CPS1: variants seen among roughly 807,000 people sequenced by gnomAD.
CPS1 encodes carbamoyl-phosphate synthase [ammonia], mitochondrial.
In CPS1, 109 loss-of-function variants were observed where a neutral mutation model predicts 174.6. That is an observed-to-expected ratio of 0.62 (90% CI 0.53 to 0.73). The LOEUF (loss-of-function observed/expected upper bound fraction) is 0.73, where lower values mean the gene tolerates loss of function less well. CPS1 is among the 30% of genes least tolerant of loss of function. The probability of loss-of-function intolerance (pLI) is 0.00; values close to 1 mark genes in which losing one functional copy is unlikely to be tolerated. For missense variants in CPS1, 1,689 were observed against 1,821.9 expected (o/e 0.93, Z 1.33); for synonymous variants, 637 against 632.0 (o/e 1.01, Z -0.12).
At chr2:210,580,801 C>T (rs1697898531) in intron 5 of CPS1, among the ~76,000 whole-genome samples, 1 of 149,174 alleles carries the variant, frequency 6.7e-6, no homozygotes, top group African/African-American at 2.5e-5. Flanking sequence ...GCGGAGGTTG[C>T]AGTGAGCTGA....
intron 25 of CPS1, among the ~76,000 whole-genome samples, chr2:210,643,291 A>G (rs1034781326): frequency 2.0e-5 from 3 of 152,190 alleles, no homozygotes; most frequent in Admixed American, 6.5e-5. Flanking sequence ...GCAGATTACT[A>G]TAAGACTGTA....
At chr2:210,559,642 A>G (rs1310570768) in intron 1 of CPS1, among the ~76,000 whole-genome samples, 3 of 152,128 alleles carry the variant, frequency 2.0e-5, no homozygotes, top group Non-Finnish European at 4.4e-5. Flanking sequence ...AATGTTCAGC[A>G]CTCATTATTA....
intron 5 of CPS1, 140 bp downstream of exon 5, chr2:210,579,910 CTG>C: frequency 1.4e-6 from 1 of 712,872 alleles, no homozygotes; most frequent in Non-Finnish European, 2.5e-6. Flanking sequence ...ATCTGGGTCT[CTG>C]TTATTTTGTT....
intron 21 of CPS1, among the ~76,000 whole-genome samples, chr2:210,624,384 T>G (rs1244109379): frequency 6.6e-6 from 1 of 152,116 alleles, no homozygotes; most frequent in Non-Finnish European, 1.5e-5. Context: ...CATATTACCA[T>G]TCTATGCTTT....
rs900450884 is a variant in CPS1, at chr2:210,678,847, G to A, written c.*862G>A. 6.6e-6 allele frequency: 1 copy of A among 152,174 alleles called. No individual in the cohort carries two copies. Among genetic ancestry groups the A allele is most frequent in the African/African-American group, 2.4e-5 (1 of 41,444 alleles). 9.4% of individuals were successfully genotyped at this position (152,174 alleles called of 1,614,324 possible). On this transcript the variant is annotated 3_prime_UTR_variant, in exon 38 of 38. Transcript: ENST00000233072. ...TAACTTGGCCCGAGTGAAATAATCAGATTTTTGTCATTCACACTCTCCCCC... is the reference window on the plus strand; with the variant it reads ...TAACTTGGCCCGAGTGAAATAATCAAATTTTTGTCATTCACACTCTCCCCC...
chr2:210,482,430 G>C (rs1010186673), intron 1 of CPS1, among the ~76,000 whole-genome samples: 23 of 151,948 alleles, frequency 1.5e-4, no homozygotes, highest in Admixed American at 1.1e-3. Context: ...AGCCCCCTGA[G>C]TAGCTGGGAT....
chr2:210,567,536 A>G (rs1043528976), intron 1 of CPS1, among the ~76,000 whole-genome samples: 13 of 152,138 alleles, frequency 8.5e-5, no homozygotes, highest in Non-Finnish European at 1.5e-4. Context: ...AGAAAAAGAG[A>G]ATGTTTGGGT....
Position 210,616,488 on chromosome 2 carries a change from G to A in CPS1, c.2634G>A (p.Leu878=). 6.2e-7 allele frequency: 1 copy of A among 1,612,354 alleles called. No homozygotes were observed. Among genetic ancestry groups the A allele is most frequent in the Non-Finnish European group, 8.5e-7 (1 of 1,178,788 alleles). Residue 878 remains leucine, a synonymous_variant, in exon 21 of 38, where the codon TTG becomes TTA. Transcript: ENST00000233072. Reference sequence around the variant, plus strand: ...TCACATACATTGACAAGTGGTTTTTGTATAAGATGCGTGATATTTTAAACA... The same window carrying A: ...TCACATACATTGACAAGTGGTTTTTATATAAGATGCGTGATATTTTAAACA... ...EKLTYIDKWF[L]YKMRDILNME...
intron 1 of CPS1, among the ~76,000 whole-genome samples, chr2:210,512,528 C>T (rs1023795738): frequency 7.3e-5 from 11 of 151,538 alleles, no homozygotes; most frequent in African/African-American, 2.7e-4. Flanking sequence ...CAGCAAAGGA[C>T]ATGATTTTAT....
chr2:210,550,057 G>A (rs1390227631), intron 1 of CPS1, among the ~76,000 whole-genome samples: 5 of 151,970 alleles, frequency 3.3e-5, no homozygotes, highest in East Asian at 3.9e-4. Flanking sequence ...AGCTAGAAAC[G>A]TGGCTCACAG....
At chr2:210,593,426 T>C (rs1361766561) in intron 11 of CPS1, 2 of 1,032,408 alleles carry the variant, frequency 1.9e-6, no homozygotes, top group Admixed American at 5.1e-5. Context: ...AGGGCATGCA[T>C]GCACATACAT....
chr2:210,646,971 A>G (rs371039724), intron 25 of CPS1, among the ~76,000 whole-genome samples: 6 of 152,106 alleles, frequency 3.9e-5, no homozygotes, highest in Admixed American at 3.3e-4. Flanking sequence ...TGCTAATAGG[A>G]GATTTGGACT....
intron 35 of CPS1, among the ~76,000 whole-genome samples, chr2:210,675,197 C>T (rs1265382211): frequency 2.0e-5 from 3 of 152,158 alleles, no homozygotes; most frequent in African/African-American, 7.2e-5. Context: ...GAAAGTTTAG[C>T]TTAAGCACAA....
intron 1 of CPS1, among the ~76,000 whole-genome samples, chr2:210,489,018 T>A (rs1445527413): frequency 6.6e-6 from 1 of 152,204 alleles, no homozygotes; most frequent in Non-Finnish European, 1.5e-5. Flanking sequence ...AATAGATTAT[T>A]AAGAATTATG....
At chr2:210,619,487 TA>T (rs1248470360) in intron 21 of CPS1, 1 of 152,132 alleles carries the variant, frequency 6.6e-6, no homozygotes, top group Non-Finnish European at 1.5e-5. Context: ...ATATGTATTA[TA>T]TATTATGATT....
chr2:210,582,726 T>TA lies in CPS1; in HGVS notation c.621+18dup, dbSNP rs1343941006. The TA allele has an allele frequency of 6.3e-7, 1 of 1,579,788 alleles. No homozygotes were observed. The highest frequency in any genetic ancestry group is 1.3e-5 in the African/African-American group (1 of 74,160). On this transcript the variant is annotated intron_variant, in intron 6 of 37. Coordinates refer to ENST00000233072, the MANE Select transcript of CPS1 (RefSeq NM_001875.5). ...TCAACCAAGGTGAGGGGTTTTCCTT[T>TA]ATATTTTGTAGTTTTATTTGATCCC...
chr2:210,651,339 A>T (rs1217824762), intron 28 of CPS1, among the ~76,000 whole-genome samples: 3 of 152,206 alleles, frequency 2.0e-5, no homozygotes, highest in Admixed American at 2.0e-4. Flanking sequence ...GAGTGGTAAG[A>T]GTAGATAAGA....
intron 17 of CPS1, among the ~76,000 whole-genome samples, chr2:210,606,336 G>A (rs997801378): frequency 6.6e-6 from 1 of 151,798 alleles, no homozygotes; most frequent in African/African-American, 2.4e-5. Context: ...GATATAAGGG[G>A]CTATGATGAG....
chr2:210,525,188 T>C (rs1695940783), intron 1 of CPS1, among the ~76,000 whole-genome samples: 1 of 151,894 alleles, frequency 6.6e-6, no homozygotes, highest in Non-Finnish European at 1.5e-5. Context: ...TGGGTATCCC[T>C]GAGTTAGGCT....
Sources: gnomAD v4.1 joint callset for allele counts (sites outside exome capture counted in the v4.1 genomes callset) on GRCh38, gnomAD v4.1.1 for gene constraint, MANE v1.5 for transcripts, NCBI Gene and HGNC (gene_info 2026-07-23, HGNC 2026-07-21) for gene names.